The following KLF15 variants were observed in gnomAD, a reference collection of about 807,000 sequenced individuals.
The protein encoded by KLF15 is Krueppel-like factor 15.
KLF15 carries 4 observed loss-of-function variants against 24.6 expected under a neutral mutation model. The ratio of observed to expected loss-of-function variants is 0.16; its 90% CI spans 0.08 to 0.37. The LOEUF is 0.37. Ranked by LOEUF, KLF15 falls within the 10% of genes least tolerant of loss-of-function variation. KLF15 has a pLI of 1.00. For synonymous variants in KLF15, 246 were observed against 236.3 expected (o/e 1.04, Z -0.37); for missense variants, 496 against 560.6 (o/e 0.88, Z 1.16).
chr3:126,310,461 C>G, the KLF15 span, among the ~76,000 whole-genome samples: 1 of 152,130 alleles, frequency 6.6e-6, no homozygotes, highest in Non-Finnish European at 1.5e-5. Context: ...CTACAAAGAG[C>G]CCCTACTAAG....
chr3:126,345,726 C>T (rs753431214), intron 2 of KLF15, among the ~76,000 whole-genome samples: 75 of 152,090 alleles, frequency 4.9e-4, no homozygotes, highest in Admixed American at 6.5e-4. Context: ...GATGCCCTGG[C>T]GCCCTGACCC....
chr3:126,288,969 A>T, the KLF15 span: 1 of 152,252 alleles, frequency 6.6e-6, no homozygotes, highest in South Asian at 2.1e-4. Context: ...AATCCTGAAG[A>T]TGATTTCGAA....
At position 126,356,789 on chromosome 3, in the gene KLF15, C is replaced by T. The variant is rs2082635941; in HGVS notation, c.-26+448G>A. ...CGCTGCCCGCTGGGCACCATGCCCT[C>T]GTCCCACGCCCCCCCCTTGCCCCCG... is the stretch of plus-strand genomic sequence containing the variant. On this transcript the variant is annotated intron_variant, in intron 1 of 2. Transcript: ENST00000296233. This position sits in a 1 kb window ranked among gnomAD's most constrained non-coding sequence, Gnocchi z 4.4. Among the ~76,000 whole-genome samples, 2 of 151,988 alleles carry T rather than the reference C, an allele frequency of 1.3e-5. No homozygotes were observed. The highest frequency in any genetic ancestry group is 2.9e-5 in the Non-Finnish European group (2 of 67,974).
At chr3:126,293,127 T>C in the KLF15 span, among the ~76,000 whole-genome samples, 1 of 126,538 alleles carries the variant, frequency 7.9e-6, no homozygotes, top group African/African-American at 3.1e-5. Flanking sequence ...CTGGGCAACA[T>C]AGCAAGACTG....
Position 126,352,126 on chromosome 3 carries a change from A to G in KLF15, c.797T>C (p.Val266Ala). ...QGQTFALVPQ[V>A]VPSSNLNLPS... Reference sequence around the variant, plus strand: ...CAGGTTCAAGTTGGAGGAGGGTACCACCTGGGGCACGAGTGCGAAGGTCTG... The same window carrying G: ...CAGGTTCAAGTTGGAGGAGGGTACCGCCTGGGGCACGAGTGCGAAGGTCTG... Residue 266 changes from valine to alanine, a missense_variant, in exon 2 of 3, where the codon GTG becomes GCG. By Grantham distance (64) the Val-to-Ala change is moderately conservative. Around this residue, in one of 3 missense-constraint regions of KLF15, gnomAD observed 399 missense variants for 423.1 expected, o/e 0.94. Coordinates refer to ENST00000296233, the MANE Select transcript of KLF15 (RefSeq NM_014079.4). 1 of 1,560,412 alleles carries G rather than the reference A, an allele frequency of 6.4e-7. No individual in the cohort carries two copies.
chr3:126,327,794 T>C, the KLF15 span, among the ~76,000 whole-genome samples: 21 of 152,226 alleles, frequency 1.4e-4, no homozygotes, highest in Non-Finnish European at 2.9e-4. Context: ...TTACCATAAT[T>C]TATCTACTCG....
Position 126,343,155 on chromosome 3 carries a change from C to T in KLF15, c.*572G>A, listed in dbSNP as rs796333334. 9.1e-5 allele frequency: 1 copy of T among 10,962 alleles called. No homozygotes were observed. The highest frequency in any genetic ancestry group is 3.1e-4 in the African/African-American group (1 of 3,200). The allele number at this position is 10,962 out of a possible 1,614,324, so 0.7% of individuals were successfully genotyped here. On this transcript the variant is annotated 3_prime_UTR_variant, in exon 3 of 3. Coordinates refer to ENST00000296233, the MANE Select transcript of KLF15 (RefSeq NM_014079.4). ...GAGGGCCCAGCGGCCCGGTCCTGCC[C>T]CCCCCCCCCCCCCCCCCCCCCCCCG...
At chr3:126,307,872 A>G in the KLF15 span, among the ~76,000 whole-genome samples, 1 of 152,038 alleles carries the variant, frequency 6.6e-6, no homozygotes, top group Non-Finnish European at 1.5e-5. Flanking sequence ...CCCCCAGGCC[A>G]GGCCACCCGA....
chr3:126,314,282 G>A, the KLF15 span, among the ~76,000 whole-genome samples: 1 of 152,144 alleles, frequency 6.6e-6, no homozygotes, highest in African/African-American at 2.4e-5. Context: ...TGACAGGAGA[G>A]TCACAGCACA....
chr3:126,323,419 A>AC, the KLF15 span, among the ~76,000 whole-genome samples: 5 of 47,548 alleles, frequency 1.1e-4, no homozygotes, highest in African/African-American at 4.3e-4. Flanking sequence ...ATATATATAT[A>AC]TATATATATA....
chr3:126,312,948 A>AT, the KLF15 span, among the ~76,000 whole-genome samples: 1 of 152,098 alleles, frequency 6.6e-6, no homozygotes, highest in Non-Finnish European at 1.5e-5. Context: ...CTCCCCTTTT[A>AT]TGAAGATCCT....
the KLF15 span, among the ~76,000 whole-genome samples, chr3:126,289,911 AGC>A: frequency 6.6e-6 from 1 of 152,206 alleles, no homozygotes; most frequent in Admixed American, 6.5e-5. Flanking sequence ...GGAAAAAGCC[AGC>A]TGGAGGGGAC....
At chr3:126,323,491 T>TATATATGTTATATATATATAAC in the KLF15 span, among the ~76,000 whole-genome samples, 108 of 23,222 alleles carry the variant, frequency 4.7e-3, 8 homozygotes, top group African/African-American at 0.019. Flanking sequence ...ATATATAACA[T>TATATATGTTATATATATATAAC]ATATATATAT....
the KLF15 span, among the ~76,000 whole-genome samples, chr3:126,307,214 T>A: frequency 2.0e-5 from 3 of 151,760 alleles, no homozygotes. Flanking sequence ...CTCCTTCCCC[T>A]CCCCCACTCC....
intron 2 of KLF15, among the ~76,000 whole-genome samples, chr3:126,350,483 A>C (rs935420737): frequency 1.1e-4 from 16 of 152,166 alleles, no homozygotes; most frequent in Non-Finnish European, 1.0e-4. Flanking sequence ...ATTGGCACTC[A>C]ATGGAAAGGT....
the KLF15 span, among the ~76,000 whole-genome samples, chr3:126,309,651 G>T: frequency 6.6e-6 from 1 of 152,218 alleles, no homozygotes. Flanking sequence ...TCCTGACCTT[G>T]GTGTCTAACA....
the KLF15 span, among the ~76,000 whole-genome samples, chr3:126,310,143 A>G: frequency 6.6e-6 from 1 of 152,230 alleles, no homozygotes; most frequent in Non-Finnish European, 1.5e-5. Context: ...TTATGGGGGC[A>G]CAGATCCCCT....
intron 1 of KLF15, among the ~76,000 whole-genome samples, chr3:126,353,740 C>T (rs1262709366): frequency 6.6e-6 from 1 of 152,224 alleles, no homozygotes; most frequent in Non-Finnish European, 1.5e-5. Context: ...GCCTTGACTG[C>T]CCTGTGAGTG....
rs1209077412 is a variant in KLF15, at chr3:126,346,669, G to T, written c.1083-2774C>A. ...CTGAATTCCCTCCCTGCTGCCACAG[G>T]GTCCTGGCACCTGAGAGGAACTTCC... On this transcript the variant is annotated intron_variant, in intron 2 of 2. Transcript: ENST00000296233. Among the ~76,000 whole-genome samples the T allele has an allele frequency of 2.6e-5, 4 of 152,152 alleles. No homozygotes were observed. The East Asian group carries it at 7.7e-4, about 29-fold the overall frequency.
Sources: allele counts gnomAD v4.1 joint callset (sites outside exome capture counted in the v4.1 genomes callset), GRCh38; gene constraint gnomAD v4.1.1; regional missense constraint gnomAD v4.1.1; non-coding constraint Gnocchi (gnomAD v3.1); transcripts MANE v1.5; gene names NCBI Gene and HGNC (gene_info 2026-07-23, HGNC 2026-07-21).